CSMD1: variants seen among roughly 807,000 people sequenced by gnomAD.
CSMD1 encodes the protein CUB and Sushi multiple domains 1.
CSMD1 carries 213 observed loss-of-function variants against 417.5 expected under a neutral mutation model. The observed-to-expected ratio is 0.51, with a 90% CI of 0.46 to 0.57. The LOEUF (loss-of-function observed/expected upper bound fraction) is 0.57, where lower values mean the gene tolerates loss of function less well. Ranked by LOEUF, CSMD1 falls within the 20% of genes least tolerant of loss-of-function variation. The probability of loss-of-function intolerance (pLI) is 0.00; values close to 1 mark genes in which losing one functional copy is unlikely to be tolerated. For missense variants in CSMD1, 6,923 were observed against 4,529.7 expected (o/e 1.53, Z -15.17); for synonymous variants, 2,862 against 1,736.8 (o/e 1.65, Z -16.11).
At chr8:3,306,511 G>A (rs921080481) in intron 25 of CSMD1, among the ~76,000 whole-genome samples, 2 of 152,196 alleles carry the variant, frequency 1.3e-5, no homozygotes, top group African/African-American at 4.8e-5. Flanking sequence ...ATGTGTAGGA[G>A]GAGCTGAAGC....
chr8:3,111,668 C>T (rs545221511), intron 42 of CSMD1, among the ~76,000 whole-genome samples: 17 of 152,198 alleles, frequency 1.1e-4, no homozygotes, highest in African/African-American at 3.9e-4. Flanking sequence ...CCTAACTCTA[C>T]TAAAAATACA....
chr8:3,179,440 G>C (rs903981131), intron 37 of CSMD1, among the ~76,000 whole-genome samples: 8 of 152,124 alleles, frequency 5.3e-5, no homozygotes, highest in Non-Finnish European at 1.2e-4. Flanking sequence ...CAAAAGCTTG[G>C]ATTCTCAAAG....
intron 1 of CSMD1, among the ~76,000 whole-genome samples, chr8:4,774,169 C>T (rs1012079367): frequency 6.6e-6 from 1 of 152,146 alleles, no homozygotes. Context: ...CACTGCCTAC[C>T]AGCCTGGGTG....
intron 51 of CSMD1, among the ~76,000 whole-genome samples, chr8:3,024,236 T>C (rs1426043379): frequency 1.3e-5 from 2 of 150,892 alleles, no homozygotes; most frequent in African/African-American, 4.9e-5. Flanking sequence ...AATGAATTAA[T>C]GTGTTTATTG....
intron 10 of CSMD1, among the ~76,000 whole-genome samples, chr8:3,496,943 C>A (rs1356359768): frequency 1.3e-5 from 2 of 152,166 alleles, no homozygotes; most frequent in African/African-American, 2.4e-5. Flanking sequence ...TGTATTCGTA[C>A]AATTTTGAAA....
intron 1 of CSMD1, among the ~76,000 whole-genome samples, chr8:4,914,848 C>T (rs1428401209): frequency 2.6e-5 from 4 of 152,156 alleles, no homozygotes; most frequent in African/African-American, 4.8e-5. Flanking sequence ...GTTTCACCTA[C>T]TGCTATTTCA....
At chr8:4,596,889 G>A (rs1048612446) in intron 2 of CSMD1, among the ~76,000 whole-genome samples, 3 of 152,166 alleles carry the variant, frequency 2.0e-5, no homozygotes, top group Non-Finnish European at 2.9e-5. Context: ...TTCTGATAGC[G>A]AATAAGTCTC....
intron 26 of CSMD1, among the ~76,000 whole-genome samples, chr8:3,267,261 G>C (rs548139363): frequency 1.3e-5 from 2 of 152,186 alleles, no homozygotes; most frequent in African/African-American, 4.8e-5. Flanking sequence ...GGAAGGAAGT[G>C]AAGGGAAACC....
At chr8:3,311,684 C>CATCA (rs759262494) in intron 23 of CSMD1, among the ~76,000 whole-genome samples, 35 of 152,276 alleles carry the variant, frequency 2.3e-4, no homozygotes, top group Admixed American at 7.2e-4. Context: ...ATTACTTTTA[C>CATCA]ATCATTATAA....
At chr8:3,313,985 C>G (rs1385673176) in intron 23 of CSMD1, among the ~76,000 whole-genome samples, 4 of 152,082 alleles carry the variant, frequency 2.6e-5, no homozygotes, top group Non-Finnish European at 5.9e-5. Flanking sequence ...ATGGATGAAG[C>G]TGGAAACCAT....
chr8:3,572,964 A>C (rs923197126), intron 10 of CSMD1, among the ~76,000 whole-genome samples: 21 of 152,338 alleles, frequency 1.4e-4, no homozygotes, highest in Non-Finnish European at 2.2e-4. Context: ...TAAATGCAGA[A>C]ATTAGTAAAC....
At chr8:3,084,685 T>C (rs1258100578) in intron 49 of CSMD1, among the ~76,000 whole-genome samples, 1 of 152,084 alleles carries the variant, frequency 6.6e-6, no homozygotes, top group Non-Finnish European at 1.5e-5. Context: ...TCTTTAAGCA[T>C]AAGCAAAAAC....
intron 5 of CSMD1, among the ~76,000 whole-genome samples, chr8:3,769,982 A>T (rs1421226974): frequency 2.0e-5 from 3 of 152,248 alleles, no homozygotes; most frequent in East Asian, 1.9e-4. Flanking sequence ...CTGTGAATTC[A>T]TACAGTGACC....
At chr8:4,057,488 G>A (rs1000408492) in intron 3 of CSMD1, among the ~76,000 whole-genome samples, 80 of 152,258 alleles carry the variant, frequency 5.3e-4, no homozygotes, top group African/African-American at 1.7e-3. Flanking sequence ...TAGGTTGCCT[G>A]TTCATTCTGA....
intron 3 of CSMD1, among the ~76,000 whole-genome samples, chr8:4,147,706 G>C (rs1467989824): frequency 6.6e-6 from 1 of 152,126 alleles, no homozygotes; most frequent in Non-Finnish European, 1.5e-5. Flanking sequence ...CCATGGTCAG[G>C]TTTCAGATGC....
rs556552454 is a variant in CSMD1, at chr8:4,020,560, G to C, written c.610+11345C>G. Reference sequence around the variant, plus strand: ...TCAGATAAGAAGAATACATAACCAAGATGGAGAAGTCTGAGAAAGGCCTCC... The same window carrying C: ...TCAGATAAGAAGAATACATAACCAACATGGAGAAGTCTGAGAAAGGCCTCC... On this transcript the variant is annotated intron_variant, in intron 4 of 69. Transcript: ENST00000635120. Among the ~76,000 whole-genome samples, 5 of 152,294 alleles carry C rather than the reference G, an allele frequency of 3.3e-5. No individual in the cohort carries two copies. In the East Asian group the frequency reaches 7.7e-4, roughly 24 times the overall value.
intron 3 of CSMD1, among the ~76,000 whole-genome samples, chr8:4,302,859 G>A (rs1031811378): frequency 2.6e-5 from 4 of 152,078 alleles, no homozygotes; most frequent in Non-Finnish European, 5.9e-5. Flanking sequence ...CTAGCAGGCA[G>A]GACCAGCAGT....
intron 38 of CSMD1, among the ~76,000 whole-genome samples, chr8:3,160,002 T>C (rs1039244342): frequency 6.6e-6 from 1 of 152,134 alleles, no homozygotes; most frequent in African/African-American, 2.4e-5. Context: ...GGAGGAAACA[T>C]GATATTTACC....
intron 3 of CSMD1, among the ~76,000 whole-genome samples, chr8:4,364,441 G>GT (rs942743445): frequency 1.3e-5 from 2 of 151,972 alleles, no homozygotes; most frequent in African/African-American, 4.8e-5. Context: ...TGTTTTTCAT[G>GT]TTTTTTCCAA....
Sources: allele counts gnomAD v4.1 joint callset (sites outside exome capture counted in the v4.1 genomes callset), GRCh38; gene constraint gnomAD v4.1.1; transcripts MANE v1.5; gene names NCBI Gene and HGNC (gene_info 2026-07-23, HGNC 2026-07-21).